The following TMEM178A variants were observed in gnomAD, a reference collection of about 807,000 sequenced individuals.
TMEM178A encodes transmembrane protein 178A.
A neutral mutation model predicts 29.1 loss-of-function variants in TMEM178A; 12 were observed. That is an observed-to-expected ratio of 0.41 (90% CI 0.26 to 0.67). The LOEUF (loss-of-function observed/expected upper bound fraction) is 0.67. Among genes scored for constraint, TMEM178A ranks in the 30% least tolerant of loss-of-function variants. TMEM178A has a pLI of 0.29. For missense variants in TMEM178A, 366 were observed against 419.1 expected (o/e 0.87, Z 1.11); for synonymous variants, 210 against 187.2 (o/e 1.12, Z -0.99).
At chr2:39,734,826 T>C in the TMEM178A span, among the ~76,000 whole-genome samples, 3 of 152,322 alleles carry the variant, frequency 2.0e-5, no homozygotes, top group East Asian at 5.8e-4. Flanking sequence ...AAGTCTTCAG[T>C]CATTCCTGTC....
At chr2:39,703,332 C>A (rs1272055477) in intron 1 of TMEM178A, among the ~76,000 whole-genome samples, 1 of 151,980 alleles carries the variant, frequency 6.6e-6, no homozygotes, top group African/African-American at 2.4e-5. Flanking sequence ...GAATAATGGA[C>A]CCATGTTAAT....
the TMEM178A span, among the ~76,000 whole-genome samples, chr2:39,725,418 G>A: frequency 6.6e-6 from 1 of 152,176 alleles, no homozygotes; most frequent in Non-Finnish European, 1.5e-5. Context: ...CTGGTTCTGT[G>A]TTGCACGATT....
the TMEM178A span, among the ~76,000 whole-genome samples, chr2:39,732,476 C>A: frequency 6.6e-6 from 1 of 152,152 alleles, no homozygotes; most frequent in South Asian, 2.1e-4. Flanking sequence ...TGGGTTGGGT[C>A]CATGCGACTT....
intron 3 of TMEM178A, among the ~76,000 whole-genome samples, chr2:39,707,949 CATTT>C (rs1487366023): frequency 6.6e-6 from 1 of 152,238 alleles, no homozygotes; most frequent in East Asian, 1.9e-4. Flanking sequence ...AACACTCATT[CATTT>C]TAGTCCACAG....
At chr2:39,710,501 A>T (rs2148113122) in intron 3 of TMEM178A, among the ~76,000 whole-genome samples, 1 of 152,266 alleles carries the variant, frequency 6.6e-6, no homozygotes, top group South Asian at 2.1e-4. Context: ...AAGAGGGGAG[A>T]GGAGGAGCAT....
chr2:39,671,533 G>C (rs1368032741), intron 1 of TMEM178A, among the ~76,000 whole-genome samples: 1 of 152,122 alleles, frequency 6.6e-6, no homozygotes. Flanking sequence ...GGGTTCTGGG[G>C]ATATGATTAA....
downstream of TMEM178A, among the ~76,000 whole-genome samples, chr2:39,718,477 G>A (rs1253085830): frequency 6.6e-6 from 1 of 152,180 alleles, no homozygotes; most frequent in East Asian, 1.9e-4. Context: ...CTGATACACA[G>A]CTGTGATTGA....
intron 1 of TMEM178A, among the ~76,000 whole-genome samples, chr2:39,690,434 C>A (rs776390263): frequency 1.3e-5 from 2 of 152,108 alleles, no homozygotes; most frequent in African/African-American, 4.8e-5. Context: ...AGGACACTGC[C>A]GTGGGGAAAA....
At chr2:39,685,882 C>T (rs1052999338) in intron 1 of TMEM178A, among the ~76,000 whole-genome samples, 2 of 152,204 alleles carry the variant, frequency 1.3e-5, no homozygotes, top group African/African-American at 4.8e-5. Flanking sequence ...GAAGTGACAA[C>T]CTCCTGGTCT....
Position 39,671,813 on chromosome 2 carries a change from CA to C in TMEM178A, c.400+5440del, listed in dbSNP as rs1670419480. On this transcript the variant is annotated intron_variant, in intron 1 of 3. Transcript: ENST00000281961. ...ACCGCACTCTCAAGACTGCTTCTCT[CA>C]CTGCTCAGAGCCAAGTCTCTCATCT... Among the ~76,000 whole-genome samples the C allele has an allele frequency of 5.9e-5, 9 of 152,350 alleles. No individual in the cohort carries two copies. The South Asian group carries it at 1.9e-3, about 32-fold the overall frequency.
chr2:39,665,894 C>A (rs1278968077), upstream of TMEM178A: 3 of 1,215,216 alleles, frequency 2.5e-6, no homozygotes, highest in East Asian at 3.2e-5. Flanking sequence ...AGGGAGGGAG[C>A]GGGCGGAGAG....
intron 1 of TMEM178A, among the ~76,000 whole-genome samples, chr2:39,696,440 A>C (rs573604047): frequency 6.6e-6 from 1 of 152,346 alleles, no homozygotes; most frequent in East Asian, 1.9e-4. Flanking sequence ...GAGTACTTAC[A>C]GTGGGCCACA....
chr2:39,718,495 T>C (rs1048454909), downstream of TMEM178A, among the ~76,000 whole-genome samples: 1 of 152,198 alleles, frequency 6.6e-6, no homozygotes, highest in African/African-American at 2.4e-5. Context: ...TGAGAGCCAC[T>C]CATTTGGGCC....
At chr2:39,667,123 G>C (rs1456751838) in intron 1 of TMEM178A, among the ~76,000 whole-genome samples, 1 of 152,224 alleles carries the variant, frequency 6.6e-6, no homozygotes, top group Non-Finnish European at 1.5e-5. Flanking sequence ...TCGCTGTCCA[G>C]GCACTGAGGA....
intron 1 of TMEM178A, among the ~76,000 whole-genome samples, chr2:39,682,997 G>C (rs971653109): frequency 6.6e-6 from 1 of 152,212 alleles, no homozygotes; most frequent in African/African-American, 2.4e-5. Flanking sequence ...GATACAGGGG[G>C]ATGGCAGTGG....
At chr2:39,677,193 A>G (rs1440384354) in intron 1 of TMEM178A, among the ~76,000 whole-genome samples, 1 of 152,100 alleles carries the variant, frequency 6.6e-6, no homozygotes, top group Non-Finnish European at 1.5e-5. Context: ...GTGCCTCCCA[A>G]GAAGAGCTTC....
chr2:39,707,500 C>G (rs1672089928), intron 3 of TMEM178A, among the ~76,000 whole-genome samples: 1 of 152,022 alleles, frequency 6.6e-6, no homozygotes, highest in Non-Finnish European at 1.5e-5. Context: ...GAGATGGAGT[C>G]TCACTCTGTC....
At chr2:39,669,089 G>C (rs1424323935) in intron 1 of TMEM178A, among the ~76,000 whole-genome samples, 1 of 152,142 alleles carries the variant, frequency 6.6e-6, no homozygotes, top group Non-Finnish European at 1.5e-5. Context: ...ATGAGTCTTA[G>C]CATCGTTTAG....
At chr2:39,678,867 A>G (rs1251325681) in intron 1 of TMEM178A, among the ~76,000 whole-genome samples, 1 of 152,202 alleles carries the variant, frequency 6.6e-6, no homozygotes, top group Non-Finnish European at 1.5e-5. Context: ...CTAGTCCTTC[A>G]ATACACATGC....
Sources: allele counts gnomAD v4.1 joint callset (sites outside exome capture counted in the v4.1 genomes callset), GRCh38; gene constraint gnomAD v4.1.1; transcripts MANE v1.5; gene names NCBI Gene and HGNC (gene_info 2026-07-23, HGNC 2026-07-21).